Variants in ARID4B observed in about 807,000 individuals in gnomAD.
ARID4B encodes AT-rich interactive domain-containing protein 4B.
In ARID4B, 26 loss-of-function variants were observed where a neutral mutation model predicts 147.5. That is an observed-to-expected ratio of 0.18 (90% CI 0.13 to 0.24). The LOEUF is 0.24. Ranked by LOEUF, ARID4B falls within the 10% of genes least tolerant of loss-of-function variation. ARID4B has a pLI of 1.00. For missense variants in ARID4B, 1,179 were observed against 1,511.5 expected (o/e 0.78, Z 3.65); for synonymous variants, 512 against 507.9 (o/e 1.01, Z -0.11).
chr1:235,238,584 A>G (rs1263780825), intron 8 of ARID4B, among the ~76,000 whole-genome samples: 1 of 152,248 alleles, frequency 6.6e-6, no homozygotes, highest in Non-Finnish European at 1.5e-5. Context: ...GGCTGGGCTC[A>G]GTAGCCCCCA....
chr1:235,319,195 A>G (rs1674647801), intron 2 of ARID4B, among the ~76,000 whole-genome samples: 1 of 152,248 alleles, frequency 6.6e-6, no homozygotes, highest in Non-Finnish European at 1.5e-5. Flanking sequence ...AAACTTGTGA[A>G]AATACTAGAA....
chr1:235,169,189 T>C (rs183641963), intron 23 of ARID4B, among the ~76,000 whole-genome samples: 66 of 152,302 alleles, frequency 4.3e-4, no homozygotes, highest in African/African-American at 1.5e-3. Flanking sequence ...AACACATTAG[T>C]TATTTTCATC....
chr1:235,211,448 A>G (rs1558206086), intron 17 of ARID4B, among the ~76,000 whole-genome samples: 1 of 152,204 alleles, frequency 6.6e-6, no homozygotes, highest in Non-Finnish European at 1.5e-5. Flanking sequence ...AATACTTCAT[A>G]AAGGCCAAGA....
chr1:235,192,034 G>A (rs1665147109), intron 19 of ARID4B, among the ~76,000 whole-genome samples: 1 of 152,096 alleles, frequency 6.6e-6, no homozygotes, highest in East Asian at 1.9e-4. Flanking sequence ...TAGCACCACT[G>A]CACTCCAGCC....
At chr1:235,317,618 AT>A (rs913990720) in intron 2 of ARID4B, among the ~76,000 whole-genome samples, 11 of 152,128 alleles carry the variant, frequency 7.2e-5, no homozygotes, top group African/African-American at 2.7e-4. Context: ...CCATAAACTC[AT>A]TTTTTTCTTC....
intron 2 of ARID4B, among the ~76,000 whole-genome samples, chr1:235,292,235 C>T (rs1672387606): frequency 1.3e-5 from 2 of 152,346 alleles, no homozygotes; most frequent in South Asian, 4.1e-4. Context: ...AGAAACTTTG[C>T]ATCCTCAATA....
chr1:235,252,662 G>C (rs560270984), intron 6 of ARID4B, 68 bp downstream of exon 6: 1 of 1,442,494 alleles, frequency 6.9e-7, no homozygotes, highest in African/African-American at 1.4e-5. Flanking sequence ...ACTGAGTTGA[G>C]AAAGCAAAAA....
chr1:235,299,443 T>A (rs11580722), intron 2 of ARID4B, among the ~76,000 whole-genome samples: 27,856 of 152,058 alleles, frequency 0.18, 3,730 homozygotes, highest in African/African-American at 0.38. Context: ...CACCCACCTC[T>A]GCCTCCCATA....
intron 12 of ARID4B, 134 bp from the exon 13 acceptor site, chr1:235,223,394 T>TAC: frequency 1.1e-5 from 2 of 189,516 alleles, no homozygotes; most frequent in Non-Finnish European, 2.0e-5. Context: ...CACGTATATA[T>TAC]ATGTGTGTGT....
chr1:235,262,350 A>G lies in ARID4B; in HGVS notation c.7-1598T>C, dbSNP rs547591491. ...CATGTATTTCATAAAAAGTAAACTC[A>G]AAACATATCAGTTATACAATTTTTA... is the stretch of plus-strand genomic sequence containing the variant. On this transcript the variant is annotated intron_variant, in intron 2 of 23. Transcript: ENST00000264183. Among the ~76,000 whole-genome samples the G allele has an allele frequency of 3.3e-5, 5 of 152,320 alleles. No individual in the cohort carries two copies. The South Asian group carries it at 1.0e-3, about 32-fold the overall frequency.
intron 22 of ARID4B, among the ~76,000 whole-genome samples, chr1:235,173,807 T>C (rs1418254156): frequency 4.2e-4 from 32 of 76,066 alleles, no homozygotes; most frequent in African/African-American, 1.8e-3. Context: ...TATATATATA[T>C]ATATATGTAT....
chr1:235,198,688 T>C (rs1282855344), intron 17 of ARID4B, among the ~76,000 whole-genome samples: 1 of 152,110 alleles, frequency 6.6e-6, no homozygotes, highest in Admixed American at 6.5e-5. Context: ...ATGTCAAAAG[T>C]GTGTTGGAGC....
intron 19 of ARID4B, among the ~76,000 whole-genome samples, chr1:235,190,376 A>C (rs1665011985): frequency 6.6e-6 from 1 of 152,142 alleles, no homozygotes; most frequent in South Asian, 2.1e-4. Context: ...TGAACCCAGG[A>C]GGCAGAGGCT....
In ARID4B at chr1:235,196,029, A is replaced by G. The variant is rs1356246985; in HGVS notation, c.1926+2T>C. 1 of 1,584,012 alleles carries G rather than the reference A, an allele frequency of 6.3e-7. No individual in the cohort carries two copies. Among genetic ancestry groups the G allele is most frequent in the South Asian group, 1.1e-5 (1 of 87,514 alleles). The stretch of plus-strand genomic sequence containing the variant: ...TAGTGTGTAGTAAAAACAAGCACTT[A>G]CCTTTATTTTCTTCCGATGTTTTAT... On this transcript the variant is annotated splice_donor_variant, in intron 18 of 23. Coordinates refer to ENST00000264183, the MANE Select transcript of ARID4B (RefSeq NM_016374.6). LOFTEE classifies it high-confidence loss of function.
intron 17 of ARID4B, among the ~76,000 whole-genome samples, chr1:235,200,996 T>A (rs1665876452): frequency 6.6e-6 from 1 of 151,788 alleles, no homozygotes; most frequent in Admixed American, 6.6e-5. Flanking sequence ...ACAAAAAAAA[T>A]TAGCTGGCTG....
chr1:235,272,744 C>CAAATTACATATTAA (rs1435890738), intron 2 of ARID4B, among the ~76,000 whole-genome samples: 1 of 77,712 alleles, frequency 1.3e-5, no homozygotes, highest in Non-Finnish European at 3.5e-5. Flanking sequence ...ATATTAAATA[C>CAAATTACATATTAA]ATACAATACC....
chr1:235,268,319 A>T (rs1398883103), intron 2 of ARID4B, among the ~76,000 whole-genome samples: 7 of 152,242 alleles, frequency 4.6e-5, no homozygotes, highest in Non-Finnish European at 7.4e-5. Context: ...GGAATTGGAA[A>T]TTTGGTTTGA....
intron 8 of ARID4B, among the ~76,000 whole-genome samples, chr1:235,235,357 T>A (rs1668486485): frequency 6.6e-6 from 1 of 152,122 alleles, no homozygotes; most frequent in Non-Finnish European, 1.5e-5. Flanking sequence ...CTCAAGGATA[T>A]AAATTTGAGA....
intron 2 of ARID4B, among the ~76,000 whole-genome samples, chr1:235,302,654 C>T (rs564115403): frequency 2.0e-5 from 3 of 152,176 alleles, no homozygotes; most frequent in South Asian, 2.1e-4. Context: ...AAACAATACA[C>T]GTTAGCACTT....
Sources: allele counts gnomAD v4.1 joint callset (sites outside exome capture counted in the v4.1 genomes callset), GRCh38; gene constraint gnomAD v4.1.1; transcripts MANE v1.5; gene names NCBI Gene and HGNC (gene_info 2026-07-23, HGNC 2026-07-21).